Variants in DPH6 observed in about 807,000 individuals in gnomAD.
The protein encoded by DPH6 is diphthamine biosynthesis 6.
A neutral mutation model predicts 38.2 loss-of-function variants in DPH6; 33 were observed. That is an observed-to-expected ratio of 0.86 (90% CI 0.65 to 1.15). The LOEUF (loss-of-function observed/expected upper bound fraction) is 1.15. Among genes scored for constraint, DPH6 ranks in the 50% most tolerant of loss-of-function variants. DPH6 has a pLI of 0.00. For missense variants in DPH6, 325 were observed against 320.0 expected (o/e 1.02, Z -0.12); for synonymous variants, 108 against 103.0 (o/e 1.05, Z -0.30).
At chr15:35,345,461 G>A (rs779768765) in intron 3 of DPH6, among the ~76,000 whole-genome samples, 6 of 151,528 alleles carry the variant, frequency 4.0e-5, no homozygotes, top group South Asian at 4.2e-4. Context: ...ATTTTCCACC[G>A]AAGCATAATG....
the DPH6 span, among the ~76,000 whole-genome samples, chr15:35,167,080 A>G: frequency 6.6e-6 from 1 of 152,056 alleles, no homozygotes; most frequent in Non-Finnish European, 1.5e-5. Flanking sequence ...AGGGAAATCT[A>G]TTTACAACAA....
chr15:35,443,181 CAG>C (rs1053860805), intron 5 of DPH6, among the ~76,000 whole-genome samples: 40 of 152,210 alleles, frequency 2.6e-4, no homozygotes, highest in African/African-American at 9.4e-4. Context: ...TAACTGTTCT[CAG>C]AAATTATATC....
intron 3 of DPH6, among the ~76,000 whole-genome samples, chr15:35,527,006 T>A (rs867597870): frequency 1.3e-5 from 2 of 152,110 alleles, no homozygotes; most frequent in Admixed American, 6.6e-5. Flanking sequence ...TGTAGAAGGA[T>A]CAATTCAATC....
At chr15:35,169,819 A>G in the DPH6 span, 2 of 152,186 alleles carry the variant, frequency 1.3e-5, no homozygotes, top group Admixed American at 1.3e-4. Flanking sequence ...AGCTCTAGAA[A>G]GGCTTTTGCT....
intron 3 of DPH6, among the ~76,000 whole-genome samples, chr15:35,484,809 C>A (rs1291496244): frequency 6.6e-6 from 1 of 152,148 alleles, no homozygotes; most frequent in Admixed American, 6.5e-5. Context: ...AGCCACCTAT[C>A]ACAATTGGAT....
chr15:35,526,401 A>G (rs2141247520), intron 3 of DPH6, among the ~76,000 whole-genome samples: 1 of 152,300 alleles, frequency 6.6e-6, no homozygotes, highest in Middle Eastern at 3.4e-3. Context: ...CAATATTAGC[A>G]TAATTTTGTC....
intron 3 of DPH6, among the ~76,000 whole-genome samples, chr15:35,535,550 T>C (rs891523100): frequency 4.6e-5 from 7 of 152,192 alleles, no homozygotes; most frequent in Non-Finnish European, 1.0e-4. Context: ...ATAGTGCTTA[T>C]ATGTATCTTT....
rs139931168 is a variant in DPH6 at position 35,357,829 on chromosome 15, C to T, written n.207+15692G>A. On this transcript the variant is annotated intron_variant and non_coding_transcript_variant, in intron 3 of 3. Transcript: ENST00000558973. Reference sequence around the variant, plus strand: ...CAGCTCTTAAGATTCTTTCCTTTGTCTTAACTTTGGATGACCTGATGACAA... The same window carrying T: ...CAGCTCTTAAGATTCTTTCCTTTGTTTTAACTTTGGATGACCTGATGACAA... Among the ~76,000 whole-genome samples the T allele has an allele frequency of 1.9e-3, 291 of 152,276 alleles. 9 individuals carry two copies. In the East Asian group the frequency reaches 0.04, roughly 21 times the overall value.
downstream of DPH6, among the ~76,000 whole-genome samples, chr15:35,216,577 G>C (rs1460694236): frequency 1.3e-5 from 2 of 152,122 alleles, no homozygotes; most frequent in Non-Finnish European, 2.9e-5. Context: ...TTCTATCACA[G>C]GTTACAGTTA....
At chr15:35,271,308 C>A (rs1055973544) in intron 3 of DPH6, among the ~76,000 whole-genome samples, 1 of 152,130 alleles carries the variant, frequency 6.6e-6, no homozygotes, top group Non-Finnish European at 1.5e-5. Flanking sequence ...TCAACCCCAC[C>A]CCCTACCCCC....
chr15:35,346,921 G>C (rs1371448056), intron 3 of DPH6, among the ~76,000 whole-genome samples: 3 of 151,670 alleles, frequency 2.0e-5, no homozygotes, highest in African/African-American at 7.3e-5. Flanking sequence ...TTTCTAGCTA[G>C]CTTTTTTATT....
chr15:35,197,433 A>C, the DPH6 span, among the ~76,000 whole-genome samples: 1 of 152,220 alleles, frequency 6.6e-6, no homozygotes, highest in East Asian at 1.9e-4. Flanking sequence ...ATGGCTTTTT[A>C]GTATAATCCC....
intron 3 of DPH6, among the ~76,000 whole-genome samples, chr15:35,522,445 T>C (rs922562688): frequency 4.6e-5 from 7 of 152,154 alleles, no homozygotes; most frequent in Non-Finnish European, 5.9e-5. Context: ...TGCACCTAAC[T>C]GGGACACTGG....
At chr15:35,179,801 A>G in the DPH6 span, among the ~76,000 whole-genome samples, 1 of 152,196 alleles carries the variant, frequency 6.6e-6, no homozygotes, top group Non-Finnish European at 1.5e-5. Context: ...CTATGCTGCA[A>G]AACTAAGGAG....
the DPH6 span, among the ~76,000 whole-genome samples, chr15:35,201,561 A>G: frequency 6.6e-6 from 1 of 151,836 alleles, no homozygotes; most frequent in Non-Finnish European, 1.5e-5. Context: ...ATTAATTGCT[A>G]TCTTTACAAT....
In DPH6 at chr15:35,275,928, T is replaced by C. The variant is rs144453053; in HGVS notation, n.201-55346A>G. 1.4e-3 allele frequency among the ~76,000 whole-genome samples: 207 copies of C among 152,278 alleles called. 1 individual carries two copies. The highest frequency in any genetic ancestry group is 4.8e-3 in the African/African-American group (198 of 41,570). On this transcript the variant is annotated intron_variant and non_coding_transcript_variant, in intron 3 of 3. Coordinates refer to the DPH6 transcript ENST00000560386. The stretch of plus-strand genomic sequence containing the variant: ...AAACTTGCGTGTACAAGTATCTTTT[T>C]TGAATAATGGCTTCTTTTCCTCTGG...
intron 3 of DPH6, among the ~76,000 whole-genome samples, chr15:35,464,017 T>C (rs2054096646): frequency 6.6e-6 from 1 of 152,100 alleles, no homozygotes; most frequent in Non-Finnish European, 1.5e-5. Flanking sequence ...GTCAAATGGC[T>C]GGGCGTGGTG....
intron 3 of DPH6, among the ~76,000 whole-genome samples, chr15:35,482,414 G>A (rs571613425): frequency 6.6e-6 from 1 of 152,248 alleles, no homozygotes; most frequent in East Asian, 1.9e-4. Flanking sequence ...AGAGAGTAAA[G>A]TGGGAAAACT....
intron 6 of DPH6, among the ~76,000 whole-genome samples, chr15:35,394,927 T>C (rs1271555623): frequency 6.6e-6 from 1 of 152,186 alleles, no homozygotes; most frequent in Non-Finnish European, 1.5e-5. Context: ...GACATAAAGT[T>C]ATGTTTGACT....
Sources: gnomAD v4.1 joint callset for allele counts (sites outside exome capture counted in the v4.1 genomes callset) on GRCh38, gnomAD v4.1.1 for gene constraint, MANE v1.5 for transcripts, NCBI Gene and HGNC (gene_info 2026-07-23, HGNC 2026-07-21) for gene names.